LPP: variants seen among roughly 807,000 people sequenced by gnomAD.
LPP encodes LIM domain containing preferred translocation partner in lipoma.
Under a neutral mutation model 60.4 loss-of-function variants are expected in LPP, and 38 were observed. The ratio of observed to expected loss-of-function variants is 0.63; its 90% CI spans 0.49 to 0.83. LPP has a LOEUF of 0.83. Among genes scored for constraint, LPP ranks in the 40% least tolerant of loss-of-function variants. The pLI is 0.00. For missense variants in LPP, 902 were observed against 783.6 expected (o/e 1.15, Z -1.80); for synonymous variants, 328 against 290.8 (o/e 1.13, Z -1.30).
intron 6 of LPP, among the ~76,000 whole-genome samples, chr3:188,575,853 T>A (rs1187892285): frequency 6.6e-6 from 1 of 152,164 alleles, no homozygotes; most frequent in Non-Finnish European, 1.5e-5. Context: ...ATCATTCTCA[T>A]CTATTCTATC....
At chr3:188,546,287 G>GT (rs1409359880) in intron 6 of LPP, among the ~76,000 whole-genome samples, 1 of 152,112 alleles carries the variant, frequency 6.6e-6, no homozygotes, top group Non-Finnish European at 1.5e-5. Flanking sequence ...GTTGTTATCT[G>GT]TTTTTATGTC....
At chr3:188,489,022 A>G (rs943658356) in intron 5 of LPP, among the ~76,000 whole-genome samples, 1 of 152,214 alleles carries the variant, frequency 6.6e-6, no homozygotes, top group Non-Finnish European at 1.5e-5. Flanking sequence ...GTATTATATA[A>G]CATTGCTTAA....
chr3:188,237,496 T>C (rs567782983), intron 2 of LPP, among the ~76,000 whole-genome samples: 158 of 152,326 alleles, frequency 1.0e-3, no homozygotes, highest in African/African-American at 3.7e-3. Context: ...CCATATGAAA[T>C]GTATTTTTTT....
chr3:188,351,189 A>C (rs1367411566), intron 3 of LPP, among the ~76,000 whole-genome samples: 1 of 152,204 alleles, frequency 6.6e-6, no homozygotes, highest in Non-Finnish European at 1.5e-5. Context: ...TGCTCAGTAG[A>C]GAAGCAAATG....
chr3:188,825,267 CTCTGTGTGTGTGTGTGTG>C (rs1316778051), intron 9 of LPP, among the ~76,000 whole-genome samples: 6 of 99,014 alleles, frequency 6.1e-5, no homozygotes, highest in African/African-American at 2.1e-4. Flanking sequence ...CTCTCTCTCT[CTCTGTGTGTGTGTGTGTG>C]TGTGTGTGTG....
At chr3:188,266,552 C>CAGAGAG (rs111754646) in intron 2 of LPP, among the ~76,000 whole-genome samples, 1,661 of 147,726 alleles carry the variant, frequency 0.011, 14 homozygotes, top group African/African-American at 0.023. Flanking sequence ...ACGGGGAAGA[C>CAGAGAG]AGAGAGAGAG....
intron 5 of LPP, among the ~76,000 whole-genome samples, chr3:188,485,212 A>G (rs915104546): frequency 6.6e-6 from 1 of 152,164 alleles, no homozygotes; most frequent in Non-Finnish European, 1.5e-5. Context: ...AAGGGTGCAC[A>G]TCATACTTAT....
intron 2 of LPP, among the ~76,000 whole-genome samples, chr3:188,301,328 GC>G (rs1560219249): frequency 6.6e-6 from 1 of 152,326 alleles, no homozygotes; most frequent in East Asian, 1.9e-4. Flanking sequence ...GGGGCCAAAG[GC>G]CATGGGGACC....
In LPP at chr3:188,524,905, T is replaced by G. The variant is rs373734498; in HGVS notation, c.429+118T>G. Reference sequence around the variant, plus strand: ...CTTCCTTCCTTCCGTCCGTCCTTCCTTCCTTCCTTCCTTCCTTCCTTCCTT... The same window carrying G: ...CTTCCTTCCTTCCGTCCGTCCTTCCGTCCTTCCTTCCTTCCTTCCTTCCTT... On this transcript the variant is annotated intron_variant, in intron 6 of 11. Transcript: ENST00000617246. 0.095 allele frequency: 23,484 copies of G among 246,186 alleles called. 1,814 individuals are homozygous for G. The highest frequency in any genetic ancestry group is 0.34 in the African/African-American group (11,385 of 33,426). The allele number at this position is 246,186 out of a possible 1,614,324, so 15.3% of individuals were successfully genotyped here. A position where few individuals can be genotyped will look rare whatever the true frequency, so the allele number is the denominator to read the frequency against.
intron 9 of LPP, among the ~76,000 whole-genome samples, chr3:188,817,939 C>T (rs1256407178): frequency 6.6e-6 from 1 of 152,182 alleles, no homozygotes; most frequent in Non-Finnish European, 1.5e-5. Flanking sequence ...ACTGGCTATA[C>T]ATGCTTTTAG....
chr3:188,422,609 T>C (rs1788091891), intron 4 of LPP, among the ~76,000 whole-genome samples: 1 of 152,184 alleles, frequency 6.6e-6, no homozygotes, highest in Middle Eastern at 3.4e-3. Flanking sequence ...ACAAAAAGAA[T>C]AGAAAAAGAA....
At chr3:188,802,142 ACT>A (rs1747464234) in intron 9 of LPP, among the ~76,000 whole-genome samples, 1 of 152,130 alleles carries the variant, frequency 6.6e-6, no homozygotes, top group Non-Finnish European at 1.5e-5. Context: ...CAAAGTAATA[ACT>A]CTAAATGGTC....
chr3:188,434,200 A>T (rs1268092218), intron 4 of LPP, among the ~76,000 whole-genome samples: 1 of 152,228 alleles, frequency 6.6e-6, no homozygotes, highest in Non-Finnish European at 1.5e-5. Flanking sequence ...TTCTGACATA[A>T]ATAGTGGTAA....
At chr3:188,221,202 A>G (rs138780741) in intron 1 of LPP, among the ~76,000 whole-genome samples, 3 of 152,234 alleles carry the variant, frequency 2.0e-5, no homozygotes, top group Admixed American at 2.0e-4. Context: ...AGGCCTTTGC[A>G]CATTGTGTTC....
Position 188,610,832 on chromosome 3 carries a change from A to T in LPP, c.1113+988A>T, listed in dbSNP as rs1407250197. On this transcript the variant is annotated intron_variant, in intron 7 of 11. Transcript: ENST00000617246. This position sits in a 1 kb window ranked among gnomAD's most constrained non-coding sequence, Gnocchi z 4.4. ...AGAGGAACTGAGCCAGTTTCCAGCC[A>T]CTTGGGTTGGAAGAGTGCCCTTGCT... Among the ~76,000 whole-genome samples the T allele has an allele frequency of 6.6e-6, 1 of 152,178 alleles. No homozygotes were observed. Among genetic ancestry groups the T allele is most frequent in the African/African-American group, 2.4e-5 (1 of 41,438 alleles).
intron 9 of LPP, among the ~76,000 whole-genome samples, chr3:188,801,106 T>C (rs928435621): frequency 3.3e-5 from 5 of 152,156 alleles, no homozygotes; most frequent in African/African-American, 1.2e-4. Flanking sequence ...GCATTTCATG[T>C]TGGGCTTTGT....
chr3:188,276,626 C>A lies in LPP; in HGVS notation c.-67+51099C>A, dbSNP rs1460930369. The stretch of plus-strand genomic sequence containing the variant: ...TTGTGATAGTGAATTCTTGTGAAAT[C>A]TTGTCATTTAAAAGTGTGTGGCACC... On this transcript the variant is annotated intron_variant, in intron 2 of 11. Transcript: ENST00000617246. Among the ~76,000 whole-genome samples, 4 of 151,076 alleles carry A rather than the reference C, an allele frequency of 2.6e-5. 1 individual carries two copies. The East Asian group carries it at 7.8e-4, about 29-fold the overall frequency.
At chr3:188,403,661 G>C (rs1782756080) in intron 3 of LPP, among the ~76,000 whole-genome samples, 1 of 151,972 alleles carries the variant, frequency 6.6e-6, no homozygotes, top group Non-Finnish European at 1.5e-5. Context: ...ATGTGAGATG[G>C]GTTTGGTTTT....
chr3:188,842,521 T>G (rs1238059720), intron 9 of LPP, among the ~76,000 whole-genome samples: 1 of 152,228 alleles, frequency 6.6e-6, no homozygotes. Flanking sequence ...TAACTTGATG[T>G]GATCCCAATT....
Sources: gnomAD v4.1 joint callset for allele counts (sites outside exome capture counted in the v4.1 genomes callset) on GRCh38, gnomAD v4.1.1 for gene constraint, Gnocchi (gnomAD v3.1) non-coding constraint, MANE v1.5 for transcripts, NCBI Gene and HGNC (gene_info 2026-07-23, HGNC 2026-07-21) for gene names.